Variants in ALK observed in about 807,000 individuals in gnomAD.
ALK encodes the protein ALK tyrosine kinase receptor.
ALK carries 74 observed loss-of-function variants against 163.1 expected under a neutral mutation model. That is an observed-to-expected ratio of 0.45 (90% confidence interval 0.38 to 0.55). The LOEUF is 0.55. Ranked by LOEUF, ALK falls within the 20% of genes least tolerant of loss-of-function variation. The pLI is 0.00. For missense variants in ALK, 2,063 were observed against 2,105.3 expected (o/e 0.98, Z 0.39); for synonymous variants, 960 against 843.2 (o/e 1.14, Z -2.40).
chr2:29,233,670 G>T lies in ALK; in HGVS notation c.2382C>A (p.Cys794Ter). 6.2e-7 allele frequency: 1 copy of T among 1,614,210 alleles called. No homozygotes were observed. Among genetic ancestry groups the T allele is most frequent in the Non-Finnish European group, 8.5e-7 (1 of 1,180,036 alleles). The change falls in exon 14 of 29, where the codon TGC becomes TGA. Residue 794 changes from cysteine to a stop codon, truncating the protein, a stop_gained. Transcript: ENST00000389048. LOFTEE classifies it high-confidence loss of function. The stretch of plus-strand genomic sequence containing the variant: ...CTTCTATCACATTGTTCTCTCCAAT[G>T]CAGACTTTCTGGATTAACTGGTTTG... ...PSTNQLIQKV[C>*]IGENNVIEEE...
chr2:29,418,174 C>T (rs896141290), intron 4 of ALK, among the ~76,000 whole-genome samples: 1 of 152,164 alleles, frequency 6.6e-6, no homozygotes, highest in Admixed American at 6.5e-5. Context: ...AGTCCATGAC[C>T]TTTGAGGGCT....
chr2:29,399,046 C>T lies in ALK; in HGVS notation c.1155-15187G>A, dbSNP rs183585123. 2.9e-4 allele frequency among the ~76,000 whole-genome samples: 44 copies of T among 152,276 alleles called. 1 individual carries two copies. The highest frequency in any genetic ancestry group is 1.1e-3 in the African/African-American group (44 of 41,570). ...GGCTTTGGAAACCTGCCAATGATGT[C>T]ATCCAAGTGGTGACGGTGGTGCTTG... On this transcript the variant is annotated intron_variant, in intron 4 of 28. Transcript: ENST00000389048.
intron 3 of ALK, among the ~76,000 whole-genome samples, chr2:29,694,125 G>A (rs1173232006): frequency 6.6e-6 from 1 of 152,206 alleles, no homozygotes; most frequent in African/African-American, 2.4e-5. Context: ...CATAAAACTA[G>A]ACTAGAGCTT....
At chr2:29,300,638 G>A (rs1449013606) in intron 8 of ALK, among the ~76,000 whole-genome samples, 2 of 151,798 alleles carry the variant, frequency 1.3e-5, no homozygotes, top group African/African-American at 2.4e-5. Flanking sequence ...GGAGAAAGGT[G>A]GATCTACAAA....
At chr2:29,639,441 T>G (rs947054348) in intron 3 of ALK, among the ~76,000 whole-genome samples, 2 of 152,224 alleles carry the variant, frequency 1.3e-5, no homozygotes, top group Non-Finnish European at 2.9e-5. Context: ...CAGAACCTCA[T>G]GCATTTCTTT....
chr2:29,276,898 G>A lies in ALK; in HGVS notation c.1818-1402C>T, dbSNP rs188151930. Among the ~76,000 whole-genome samples, 101 of 152,284 alleles carry A rather than the reference G, an allele frequency of 6.6e-4. 1 individual carries two copies. The highest frequency in any genetic ancestry group is 2.1e-3 in the African/African-American group (86 of 41,554). ...TGGGGTGATGAAAATGCTCAGAAAC[G>A]GGATTGTGGTGCTCTCTCCACAGCT... On this transcript the variant is annotated intron_variant, in intron 9 of 28. Transcript: ENST00000389048.
At chr2:29,342,075 C>T (rs1304088013) in intron 5 of ALK, among the ~76,000 whole-genome samples, 2 of 152,076 alleles carry the variant, frequency 1.3e-5, no homozygotes, top group African/African-American at 2.4e-5. Context: ...TCACTTGATT[C>T]CTTCAATGAA....
At chr2:29,669,058 C>T (rs1223020150) in intron 3 of ALK, among the ~76,000 whole-genome samples, 1 of 151,850 alleles carries the variant, frequency 6.6e-6, no homozygotes. Context: ...GGGGACACAG[C>T]CAAACCATAT....
intron 1 of ALK, among the ~76,000 whole-genome samples, chr2:29,891,513 G>T (rs1300588114): frequency 2.0e-5 from 3 of 152,146 alleles, no homozygotes; most frequent in African/African-American, 7.2e-5. Context: ...AATCATCATG[G>T]TCATAGACCA....
chr2:29,291,123 G>C (rs1018583831), intron 9 of ALK, among the ~76,000 whole-genome samples: 1 of 152,198 alleles, frequency 6.6e-6, no homozygotes, highest in Admixed American at 6.5e-5. Context: ...AGCAGTTTGG[G>C]AGGCCCAGGC....
chr2:29,308,329 G>A (rs1481105023), intron 8 of ALK, among the ~76,000 whole-genome samples: 1 of 147,376 alleles, frequency 6.8e-6, no homozygotes, highest in Non-Finnish European at 1.5e-5. Flanking sequence ...TAAGATTTTG[G>A]GCAATTTCAA....
chr2:29,586,086 C>T (rs1674879718), intron 3 of ALK, among the ~76,000 whole-genome samples: 1 of 152,076 alleles, frequency 6.6e-6, no homozygotes, highest in African/African-American at 2.4e-5. Flanking sequence ...AAAACCTTCG[C>T]CATTTTGTAG....
chr2:29,404,259 A>G (rs1018098399), intron 4 of ALK, among the ~76,000 whole-genome samples: 3 of 150,482 alleles, frequency 2.0e-5, no homozygotes, highest in Non-Finnish European at 4.4e-5. Context: ...AGCCCAGATC[A>G]TGCCACTGAA....
chr2:29,385,818 T>C (rs1441615055), intron 4 of ALK, among the ~76,000 whole-genome samples: 1 of 152,220 alleles, frequency 6.6e-6, no homozygotes. Flanking sequence ...ATTTTAATGA[T>C]TGCATTTTTA....
chr2:29,496,515 G>A (rs1250465084), intron 4 of ALK, among the ~76,000 whole-genome samples: 1 of 152,170 alleles, frequency 6.6e-6, no homozygotes, highest in Non-Finnish European at 1.5e-5. Flanking sequence ...TAGTAGTAGA[G>A]TGGCTGGCTT....
chr2:29,245,628 G>A (rs1664648418), intron 12 of ALK, among the ~76,000 whole-genome samples: 1 of 143,154 alleles, frequency 7.0e-6, no homozygotes, highest in Non-Finnish European at 1.5e-5. Flanking sequence ...GGGGCTTTAT[G>A]GCTCAGTGCC....
chr2:29,584,327 C>T (rs1001922439), intron 3 of ALK, among the ~76,000 whole-genome samples: 1 of 152,134 alleles, frequency 6.6e-6, no homozygotes, highest in African/African-American at 2.4e-5. Flanking sequence ...ACATTTTTCC[C>T]AAATAAAATC....
At chr2:29,915,933 A>C (rs564685728) in intron 1 of ALK, among the ~76,000 whole-genome samples, 1 of 152,346 alleles carries the variant, frequency 6.6e-6, no homozygotes, top group South Asian at 2.1e-4. Context: ...ATTTGTCATT[A>C]ACAATTTCTT....
rs1483235520 is a variant in ALK at position 29,857,175 on chromosome 2, G to GT, written c.667+62817dup. Reference sequence around the variant, plus strand: ...TTTCAGATTTGGCAGGTGACACTAAGTTTTTTTAGTATAAAATTGGGAGGT... The same window carrying GT: ...TTTCAGATTTGGCAGGTGACACTAAGTTTTTTTTAGTATAAAATTGGGAGGT... On this transcript the variant is annotated intron_variant, in intron 1 of 28. Coordinates refer to ENST00000389048, the MANE Select transcript of ALK (RefSeq NM_004304.5). Among the ~76,000 whole-genome samples, 4 of 152,124 alleles carry GT rather than the reference G, an allele frequency of 2.6e-5. No individual in the cohort carries two copies. The South Asian group carries it at 8.3e-4, about 32-fold the overall frequency.
Sources: allele counts gnomAD v4.1 joint callset (sites outside exome capture counted in the v4.1 genomes callset), GRCh38; gene constraint gnomAD v4.1.1; transcripts MANE v1.5; gene names NCBI Gene and HGNC (gene_info 2026-07-23, HGNC 2026-07-21).